The following L3MBTL3 variants were observed in gnomAD, a reference collection of about 807,000 sequenced individuals.
L3MBTL3 encodes the protein lethal(3)malignant brain tumor-like protein 3.
In L3MBTL3, 27 loss-of-function variants were observed where a neutral mutation model predicts 102.3. The ratio of observed to expected loss-of-function variants is 0.26; its 90% CI spans 0.19 to 0.36. The LOEUF (loss-of-function observed/expected upper bound fraction) is 0.36, where lower values mean the gene tolerates loss of function less well. Ranked by LOEUF, L3MBTL3 falls within the 10% of genes least tolerant of loss-of-function variation. L3MBTL3 has a pLI of 1.00. For synonymous variants in L3MBTL3, 340 were observed against 320.9 expected, an observed-to-expected ratio of 1.06 and a Z score of -0.64; for missense variants, 798 against 955.3, an observed-to-expected ratio of 0.84 and a Z score of 2.17.
At chr6:130,052,205 C>G (rs922623681) in intron 6 of L3MBTL3, among the ~76,000 whole-genome samples, 8 of 152,026 alleles carry the variant, frequency 5.3e-5, no homozygotes, top group Admixed American at 3.3e-4. Flanking sequence ...TTCCCAGGTT[C>G]AAGCAATTCA....
At chr6:130,095,623 T>C (rs1784317557) in intron 18 of L3MBTL3, among the ~76,000 whole-genome samples, 1 of 152,212 alleles carries the variant, frequency 6.6e-6, no homozygotes, top group African/African-American at 2.4e-5. Context: ...TTGTTTTACT[T>C]GTTTTGTGTT....
At chr6:130,114,071 TC>T (rs1785514539) in intron 19 of L3MBTL3, among the ~76,000 whole-genome samples, 1 of 152,216 alleles carries the variant, frequency 6.6e-6, no homozygotes, top group African/African-American at 2.4e-5. Flanking sequence ...AAACCTCTTC[TC>T]CCTTTTTGTT....
At chr6:130,052,202 G>T (rs964326261) in intron 6 of L3MBTL3, among the ~76,000 whole-genome samples, 1 of 151,952 alleles carries the variant, frequency 6.6e-6, no homozygotes, top group African/African-American at 2.4e-5. Flanking sequence ...ACATTCCCAG[G>T]TTCAAGCAAT....
chr6:130,027,290 C>A (rs895850174), intron 2 of L3MBTL3, among the ~76,000 whole-genome samples: 2 of 152,100 alleles, frequency 1.3e-5, no homozygotes, highest in South Asian at 4.2e-4. Flanking sequence ...ATACTATGTA[C>A]CAGACCTTTT....
intron 16 of L3MBTL3, among the ~76,000 whole-genome samples, chr6:130,087,012 CT>C (rs1247400777): frequency 6.6e-6 from 1 of 152,150 alleles, no homozygotes; most frequent in Non-Finnish European, 1.5e-5. Flanking sequence ...ATTGTTATCA[CT>C]TTTACTGATG....
chr6:130,112,491 A>C (rs1785415743), intron 19 of L3MBTL3, among the ~76,000 whole-genome samples: 1 of 152,302 alleles, frequency 6.6e-6, no homozygotes, highest in African/African-American at 2.4e-5. Flanking sequence ...TCTCTCATTA[A>C]TTAGAGTGGT....
chr6:130,018,890 A>G (rs1045433464), intron 1 of L3MBTL3, among the ~76,000 whole-genome samples: 1 of 152,252 alleles, frequency 6.6e-6, no homozygotes, highest in East Asian at 1.9e-4. Context: ...ATCCCGGGGA[A>G]AAAAGTGGGC....
chr6:130,064,568 G>A (rs1782120164), intron 10 of L3MBTL3, among the ~76,000 whole-genome samples: 1 of 152,128 alleles, frequency 6.6e-6, no homozygotes, highest in African/African-American at 2.4e-5. Context: ...TGTTTGGGTG[G>A]TTAGCATGGG....
chr6:130,028,276 CAGAG>C (rs1189722048), intron 2 of L3MBTL3, among the ~76,000 whole-genome samples: 3 of 152,134 alleles, frequency 2.0e-5, no homozygotes, highest in African/African-American at 7.2e-5. Flanking sequence ...GGTAGCAAAT[CAGAG>C]AGACCATTGC....
At chr6:130,100,340 C>A (rs1246704891) in intron 18 of L3MBTL3, among the ~76,000 whole-genome samples, 1 of 152,124 alleles carries the variant, frequency 6.6e-6, no homozygotes, top group African/African-American at 2.4e-5. Flanking sequence ...TGTCCGCCTC[C>A]ATGCATGTCC....
intron 20 of L3MBTL3, among the ~76,000 whole-genome samples, chr6:130,123,622 G>A (rs533103353): frequency 1.3e-5 from 2 of 152,198 alleles, no homozygotes; most frequent in South Asian, 4.1e-4. Flanking sequence ...TTTATCTATA[G>A]TGAAAATATG....
chr6:130,133,798 C>G lies in L3MBTL3; in HGVS notation c.2137-45C>G. ...GTTTTGAACCTGTAGCATTTAGATT[C>G]TGACTGTGTTTTTTAACTGGGAATT... On this transcript the variant is annotated intron_variant, in intron 21 of 22. Coordinates refer to ENST00000361794, the MANE Select transcript of L3MBTL3 (RefSeq NM_032438.4). This position sits in a 1 kb window ranked among gnomAD's most constrained non-coding sequence, Gnocchi z 4.9. The G allele has an allele frequency of 1.3e-6, 2 of 1,542,354 alleles. No individual in the cohort carries two copies. Among genetic ancestry groups the G allele is most frequent in the Non-Finnish European group, 1.8e-6 (2 of 1,115,262 alleles).
chr6:130,124,210 C>T (rs559224858), intron 20 of L3MBTL3, among the ~76,000 whole-genome samples: 1 of 152,102 alleles, frequency 6.6e-6, no homozygotes. Flanking sequence ...CACATGTTCT[C>T]GGGCAAGGAA....
chr6:130,055,176 C>G lies in L3MBTL3; in HGVS notation c.588C>G (p.Asn196Lys), dbSNP rs1215221715. 6.2e-7 allele frequency: 1 copy of G among 1,613,158 alleles called. No individual in the cohort carries two copies. Among genetic ancestry groups the G allele is most frequent in the South Asian group, 1.1e-5 (1 of 91,038 alleles). Residue 196 changes from asparagine (N) to lysine (K), a missense_variant, in exon 8 of 23, where the codon AAC (asparagine) becomes AAG (lysine). By Grantham distance (94) the Asn-to-Lys change is moderately conservative. This residue lies in a region of L3MBTL3 where 434 missense variants were observed against 506.6 expected (regional missense o/e 0.86). Coordinates refer to ENST00000361794, the MANE Select transcript of L3MBTL3 (RefSeq NM_032438.4). ...ATTTTCCTTTCTTTTTGTAGGAGAA[C>G]AAACAAGATGTAAGAATCCTGAGGG... ...DGEERDDEME[N>K]KQDVRILRGS...
At chr6:130,073,996 G>C (rs1782792862) in intron 13 of L3MBTL3, among the ~76,000 whole-genome samples, 2 of 152,130 alleles carry the variant, frequency 1.3e-5, no homozygotes, top group Admixed American at 1.3e-4. Flanking sequence ...TTGTTTAAGT[G>C]CTCTGGAATT....
chr6:130,118,277 G>T (rs1785870740), intron 19 of L3MBTL3, among the ~76,000 whole-genome samples: 1 of 152,142 alleles, frequency 6.6e-6, no homozygotes, highest in African/African-American at 2.4e-5. Flanking sequence ...CTACATTTCT[G>T]TGGCTATAGT....
intron 2 of L3MBTL3, among the ~76,000 whole-genome samples, chr6:130,022,982 G>A (rs1779106263): frequency 1.3e-5 from 2 of 152,100 alleles, no homozygotes; most frequent in African/African-American, 4.8e-5. Context: ...TCATTCTCAG[G>A]CAGAGGGGAC....
intron 1 of L3MBTL3, among the ~76,000 whole-genome samples, chr6:130,019,693 C>T (rs528484493): frequency 4.0e-5 from 6 of 151,606 alleles, no homozygotes; most frequent in Non-Finnish European, 7.4e-5. Context: ...GCTTCCTCGC[C>T]GCCTCCCTCT....
intron 20 of L3MBTL3, among the ~76,000 whole-genome samples, chr6:130,130,822 G>C (rs769066888): frequency 1.3e-5 from 2 of 152,202 alleles, no homozygotes; most frequent in African/African-American, 2.4e-5. Flanking sequence ...GGTAGTACCA[G>C]AACCAGTGGG....
Sources: gnomAD v4.1 joint callset for allele counts (sites outside exome capture counted in the v4.1 genomes callset) on GRCh38, gnomAD v4.1.1 for gene constraint, gnomAD v4.1.1 regional missense constraint, Gnocchi (gnomAD v3.1) non-coding constraint, MANE v1.5 for transcripts, NCBI Gene and HGNC (gene_info 2026-07-23, HGNC 2026-07-21) for gene names.